Variants in LRCH1 observed in about 807,000 individuals in gnomAD.
LRCH1 encodes the protein leucine rich repeats and calponin homology domain containing 1.
Under a neutral mutation model 94.9 loss-of-function variants are expected in LRCH1, and 23 were observed. The ratio of observed to expected loss-of-function variants is 0.24; its 90% CI spans 0.17 to 0.34. LRCH1 has a LOEUF of 0.34. LRCH1 is among the 10% of genes least tolerant of loss of function. The pLI, the probability that LRCH1 is intolerant of heterozygous loss-of-function variation, is 1.00. For missense variants in LRCH1, 790 were observed against 945.9 expected, an observed-to-expected ratio of 0.84 and a Z score of 2.16; for synonymous variants, 364 against 354.9, an observed-to-expected ratio of 1.03 and a Z score of -0.29.
At chr13:46,686,149 C>A in intron 5 of LRCH1, 108 bp downstream of exon 5, 1 of 1,137,938 alleles carries the variant, frequency 8.8e-7, no homozygotes, top group Non-Finnish European at 1.2e-6. Context: ...TCACTAATCA[C>A]TGGCAAGCGG....
At chr13:46,569,719 G>C (rs2050221573) in intron 1 of LRCH1, among the ~76,000 whole-genome samples, 1 of 152,104 alleles carries the variant, frequency 6.6e-6, no homozygotes, top group South Asian at 2.1e-4. Context: ...CTCCCCTCAA[G>C]GGCCTGTGTG....
At chr13:46,598,674 T>C (rs2050593376) in intron 1 of LRCH1, among the ~76,000 whole-genome samples, 1 of 151,548 alleles carries the variant, frequency 6.6e-6, no homozygotes, top group African/African-American at 2.4e-5. Flanking sequence ...GGTTAGACAA[T>C]GAATTAGAGT....
intron 1 of LRCH1, among the ~76,000 whole-genome samples, chr13:46,635,974 T>G (rs2138054254): frequency 6.6e-6 from 1 of 151,866 alleles, no homozygotes. Context: ...ATTCCTCTCC[T>G]TTCAGTCTCT....
At chr13:46,652,055 GTTTTTT>G (rs71077910) in intron 2 of LRCH1, among the ~76,000 whole-genome samples, 40 of 55,966 alleles carry the variant, frequency 7.1e-4, no homozygotes, top group African/African-American at 1.7e-3. Flanking sequence ...GCCTGCTGAT[GTTTTTT>G]TTTTTTTTTT....
intron 4 of LRCH1, among the ~76,000 whole-genome samples, chr13:46,683,195 T>C (rs1870432760): frequency 6.6e-6 from 1 of 152,250 alleles, no homozygotes; most frequent in African/African-American, 2.4e-5. Context: ...AATTATCCTG[T>C]CTCTGCATCT....
At chr13:46,599,497 C>T (rs1003921213) in intron 1 of LRCH1, among the ~76,000 whole-genome samples, 13 of 152,302 alleles carry the variant, frequency 8.5e-5, no homozygotes, top group African/African-American at 3.1e-4. Flanking sequence ...TTCTCCACAT[C>T]CTTGCCAACA....
exon 19 of LRCH1, chr13:46,750,808 A>G (rs896805406): frequency 2.4e-5 from 13 of 551,162 alleles, no homozygotes; most frequent in African/African-American, 2.1e-4. Flanking sequence ...AGGATTTTCT[A>G]CCTTTCAGAG....
chr13:46,653,320 C>T (rs191866488), intron 2 of LRCH1, among the ~76,000 whole-genome samples: 1 of 152,082 alleles, frequency 6.6e-6, no homozygotes, highest in Admixed American at 6.5e-5. Context: ...TGTTTGAGAC[C>T]TATTCTCCCA....
In LRCH1 at chr13:46,617,592, C is replaced by T. The variant is rs1188182778; in HGVS notation, c.308-32609C>T. On this transcript the variant is annotated intron_variant, in intron 1 of 19. Transcript: ENST00000389797. ...GCAGGGGCTCGTCTCAACTGCAGGTCCCCTGAAGGTCTCATCCTTTTCTTT... is the reference window on the plus strand; with the variant it reads ...GCAGGGGCTCGTCTCAACTGCAGGTTCCCTGAAGGTCTCATCCTTTTCTTT... 5.9e-5 allele frequency among the ~76,000 whole-genome samples: 9 copies of T among 152,314 alleles called. No homozygotes were observed. The South Asian group carries it at 1.7e-3, about 28-fold the overall frequency.
At chr13:46,558,570 T>TCCAAAAAAAAAAAAAAAAAA (rs1346600054) in intron 1 of LRCH1, among the ~76,000 whole-genome samples, 1 of 9,314 alleles carries the variant, frequency 1.1e-4, no homozygotes, top group Non-Finnish European at 1.6e-4. Context: ...ACCCTGTGTC[T>TCCAAAAAAAAAAAAAAAAAA]ACAAAAAAAA....
intron 1 of LRCH1, among the ~76,000 whole-genome samples, chr13:46,593,879 A>G (rs2050529066): frequency 6.6e-6 from 1 of 152,222 alleles, no homozygotes; most frequent in Non-Finnish European, 1.5e-5. Flanking sequence ...AATGATATAG[A>G]AGAAAAAATG....
At position 46,744,388 on chromosome 13, in the gene LRCH1, A is replaced by G; in HGVS notation, c.*2540A>G. ...ATAGCCATTTGTATTCTCTTTCTCC[A>G]GTTTCTCCAACTGGTGGCAACTCTC... On this transcript the variant is annotated 3_prime_UTR_variant, in exon 20 of 20. Transcript: ENST00000389797. The G allele has an allele frequency of 1.0e-6, 1 of 985,358 alleles. No individual in the cohort carries two copies. Among genetic ancestry groups the G allele is most frequent in the Non-Finnish European group, 1.2e-6 (1 of 829,914 alleles). 61.0% of individuals were successfully genotyped at this position (985,358 alleles called of 1,614,324 possible).
chr13:46,618,211 C>T (rs943514067), intron 1 of LRCH1, among the ~76,000 whole-genome samples: 5 of 152,182 alleles, frequency 3.3e-5, no homozygotes, highest in African/African-American at 1.2e-4. Context: ...ATACTGCATA[C>T]TGTAGGCAAT....
Position 46,711,793 on chromosome 13 carries a change from G to A in LRCH1, c.1530G>A (p.Val510=), listed in dbSNP as rs532087315. 1.9e-5 allele frequency: 31 copies of A among 1,612,370 alleles called. No individual in the cohort carries two copies. The East Asian group carries it at 2.7e-4, about 14-fold the overall frequency. Residue 510 remains valine (V), a splice_region_variant and synonymous_variant, in exon 14 of 20, where the codon GTG becomes GTA. Coordinates refer to ENST00000389797, the MANE Select transcript of LRCH1 (RefSeq NM_001164211.2). ...IQLETSPVCE[V]QSDLTLQSNG... The stretch of plus-strand genomic sequence containing the variant: ...ATGCTTTGTTCTTCTTTTTTAAGGT[G>A]CAAAGTGATCTAACATTACAGAGTA...
At chr13:46,610,546 T>C (rs936607638) in intron 1 of LRCH1, among the ~76,000 whole-genome samples, 1 of 151,876 alleles carries the variant, frequency 6.6e-6, no homozygotes, top group Non-Finnish European at 1.5e-5. Flanking sequence ...ATAGCTTAGC[T>C]CCCACTTAGG....
chr13:46,674,926 T>G (rs2051650594), intron 3 of LRCH1, among the ~76,000 whole-genome samples: 2 of 152,184 alleles, frequency 1.3e-5, no homozygotes, highest in Admixed American at 1.3e-4. Flanking sequence ...GGGGCTGTGA[T>G]TTTTCTCCTT....
At chr13:46,637,019 C>T (rs777530722) in intron 1 of LRCH1, among the ~76,000 whole-genome samples, 7 of 152,194 alleles carry the variant, frequency 4.6e-5, no homozygotes, top group Non-Finnish European at 7.3e-5. Flanking sequence ...ATAGGTGTCT[C>T]AACATTTGCA....
Position 46,553,290 on chromosome 13 carries a change from C to T in LRCH1, c.-107C>T. 1.5e-6 allele frequency: 1 copy of T among 689,146 alleles called. No individual in the cohort carries two copies. Among genetic ancestry groups the T allele is most frequent in the Non-Finnish European group, 2.2e-6 (1 of 464,580 alleles). The allele number at this position is 689,146 out of a possible 1,614,324, so 42.7% of individuals were successfully genotyped here. On this transcript the variant is annotated 5_prime_UTR_variant, in exon 1 of 20. Transcript: ENST00000389797. ...CTCCTCCCCTCCTTCCAGCGCCTTTCGGTGGAGCACTGCGGCACTCAGCCC... is the reference window on the plus strand; with the variant it reads ...CTCCTCCCCTCCTTCCAGCGCCTTTTGGTGGAGCACTGCGGCACTCAGCCC...
intron 2 of LRCH1, among the ~76,000 whole-genome samples, chr13:46,650,722 CAAA>C (rs756410319): frequency 1.9e-4 from 11 of 58,218 alleles, no homozygotes; most frequent in Non-Finnish European, 3.2e-4. Context: ...AAACAAGGAG[CAAA>C]AAAAAAAAAA....
Sources: gnomAD v4.1 joint callset for allele counts (sites outside exome capture counted in the v4.1 genomes callset) on GRCh38, gnomAD v4.1.1 for gene constraint, MANE v1.5 for transcripts, NCBI Gene and HGNC (gene_info 2026-07-23, HGNC 2026-07-21) for gene names.